The following LIPG variants were observed in gnomAD, a reference collection of about 807,000 sequenced individuals.
LIPG encodes the protein endothelial lipase.
Under a neutral mutation model 51.8 loss-of-function variants are expected in LIPG, and 34 were observed. The ratio of observed to expected loss-of-function variants is 0.66; its 90% CI spans 0.50 to 0.87. The LOEUF is 0.87. LIPG is among the 40% of genes least tolerant of loss of function. The probability of loss-of-function intolerance (pLI) is 0.00; values close to 1 mark genes in which losing one functional copy is unlikely to be tolerated. For missense variants in LIPG, 580 were observed against 652.7 expected, an observed-to-expected ratio of 0.89 and a Z score of 1.21; for synonymous variants, 246 against 246.1, an observed-to-expected ratio of 1.00 and a Z score of 0.00.
rs1234956781 is a variant in LIPG at position 49,595,059 on chromosome 18, G to GGATA, written c.*4538_*4541dup. ...GAAGCCCCAGACCCCTTGGAAGGAT[G>GGATA]GATACAAAGTAGGTACTAGAACAGT... On this transcript the variant is annotated 3_prime_UTR_variant, in exon 10 of 10. Transcript: ENST00000261292. The GGATA allele has an allele frequency of 1.3e-5, 2 of 152,194 alleles. No homozygotes were observed. The highest frequency in any genetic ancestry group is 4.1e-4 in the South Asian group (2 of 4,832). The allele number at this position is 152,194 out of a possible 1,614,324, so 9.4% of individuals were successfully genotyped here. A position where few individuals can be genotyped will look rare whatever the true frequency, so the allele number is the denominator to read the frequency against.
chr18:49,578,238 C>A (rs1299177274), intron 5 of LIPG, among the ~76,000 whole-genome samples: 6 of 145,514 alleles, frequency 4.1e-5, no homozygotes, highest in Non-Finnish European at 6.0e-5. Context: ...GGGCGGCTGC[C>A]GGGCGGAGGG....
chr18:49,583,401 C>T (rs577787224), intron 7 of LIPG, among the ~76,000 whole-genome samples, 155 bp from the exon 8 acceptor site: 7 of 152,202 alleles, frequency 4.6e-5, no homozygotes, highest in South Asian at 4.1e-4. Flanking sequence ...CATCTTGGTC[C>T]TGTTGATAGG....
chr18:49,581,682 C>T lies in LIPG; in HGVS notation c.1036+25C>T, dbSNP rs1419290175. The stretch of plus-strand genomic sequence containing the variant: ...GGTAACCTTCAGTCCCTGGAGTGTC[C>T]CTGAGGAAGGCCCTTAATACCTCCT... On this transcript the variant is annotated intron_variant, in intron 6 of 9. Transcript: ENST00000261292. The T allele has an allele frequency of 5.6e-6, 9 of 1,609,912 alleles. No individual in the cohort carries two copies. The South Asian group carries it at 8.8e-5, about 16-fold the overall frequency.
rs372538261 is a variant in LIPG, at chr18:49,579,812, T to C, written c.794-1603T>C. 4.3e-3 allele frequency among the ~76,000 whole-genome samples: 516 copies of C among 120,522 alleles called. 13 individuals are homozygous for C. Among genetic ancestry groups the C allele is most frequent in the African/African-American group, 0.014 (438 of 31,766 alleles). 79.1% of individuals were successfully genotyped at this position (120,522 alleles called of 152,430 possible). ...TCTTTTCTTTTCTTTTCTTTTCTTT[T>C]CTTTTCTTTACTTTACTTTTGATGG... On this transcript the variant is annotated intron_variant, in intron 5 of 9. Transcript: ENST00000261292.
intron 8 of LIPG, 23 bp from the exon 9 acceptor site, chr18:49,586,723 C>G (rs2084883698): frequency 1.3e-6 from 2 of 1,542,470 alleles, no homozygotes; most frequent in African/African-American, 2.7e-5. Flanking sequence ...CTGCCTACAT[C>G]AGTGGTTTCT....
intron 4 of LIPG, among the ~76,000 whole-genome samples, chr18:49,573,762 A>C (rs1453440360): frequency 2.6e-5 from 4 of 152,078 alleles, no homozygotes; most frequent in Admixed American, 2.6e-4. Context: ...CCTGGTTCTA[A>C]TGTGCTGTGG....
upstream of LIPG, chr18:49,561,699 C>T: frequency 8.0e-7 from 1 of 1,244,804 alleles, no homozygotes; most frequent in Non-Finnish European, 1.0e-6. Context: ...CTCTCCTTCT[C>T]CAGGGATCGC....
In LIPG at chr18:49,576,457, C is replaced by CTTTT. The variant is rs34597464; in HGVS notation, c.793+891_793+894dup. Among the ~76,000 whole-genome samples the CTTTT allele has an allele frequency of 6.6e-3, 341 of 51,458 alleles. 91 individuals carry two copies. Among genetic ancestry groups the CTTTT allele is most frequent in the African/African-American group, 8.8e-3 (104 of 11,790 alleles). The allele number at this position is 51,458 out of a possible 152,430, so 33.8% of individuals were successfully genotyped here. On this transcript the variant is annotated intron_variant, in intron 5 of 9. Transcript: ENST00000261292. ...TCTTTTTTTAAAAGACAGAATCTTGCTTTTTTTTTTTTTTTTTTTTTTTTT... is the reference window on the plus strand; with the variant it reads ...TCTTTTTTTAAAAGACAGAATCTTGCTTTTTTTTTTTTTTTTTTTTTTTTTTTTT...
chr18:49,572,462 G>C lies in LIPG; in HGVS notation c.572-2907G>C, dbSNP rs151311090. ...CTAGGACTCAGTGATTAAGTAAAGGGCCCAATATCCTGGGCCCTATAAGTA... is the reference window on the plus strand; with the variant it reads ...CTAGGACTCAGTGATTAAGTAAAGGCCCCAATATCCTGGGCCCTATAAGTA... On this transcript the variant is annotated intron_variant, in intron 4 of 9. Coordinates refer to ENST00000261292, the MANE Select transcript of LIPG (RefSeq NM_006033.4). 2.1e-3 allele frequency among the ~76,000 whole-genome samples: 327 copies of C among 152,244 alleles called. 1 individual carries two copies. Among genetic ancestry groups the C allele is most frequent in the African/African-American group, 7.5e-3 (312 of 41,568 alleles).
rs1414926911 is a variant in LIPG at position 49,592,472 on chromosome 18, G to C, written c.*1950G>C. 6.6e-6 allele frequency: 1 copy of C among 152,222 alleles called. No individual in the cohort carries two copies. The highest frequency in any genetic ancestry group is 2.4e-5 in the African/African-American group (1 of 41,440). 9.4% of individuals were successfully genotyped at this position (152,222 alleles called of 1,614,324 possible). ...GTTACACCTTATCCACATAGCCTGA[G>C]GGTAATTTTATACGATATTTTAAAT... On this transcript the variant is annotated 3_prime_UTR_variant, in exon 10 of 10. Coordinates refer to ENST00000261292, the MANE Select transcript of LIPG (RefSeq NM_006033.4).
chr18:49,579,018 GA>G (rs2084774365), intron 5 of LIPG, among the ~76,000 whole-genome samples: 1 of 20 alleles, frequency 0.05, no homozygotes, highest in Non-Finnish European at 0.1. Context: ...GGGAGAGGGA[GA>G]GGGAGAGGGA....
At position 49,582,660 on chromosome 18, in the gene LIPG, C is replaced by G. The variant is rs114385846; in HGVS notation, c.1157+178C>G. On this transcript the variant is annotated intron_variant, in intron 7 of 9. Coordinates refer to ENST00000261292, the MANE Select transcript of LIPG (RefSeq NM_006033.4). ...AGTCCTCTCTCCCACTGCACCTTCT[C>G]TACCAAGCCCTGACTCAGCGTTTCG... is the stretch of plus-strand genomic sequence containing the variant. Among the ~76,000 whole-genome samples the G allele has an allele frequency of 1.8e-3, 277 of 152,344 alleles. 4 individuals are homozygous for G. Among genetic ancestry groups the G allele is most frequent in the African/African-American group, 6.4e-3 (266 of 41,568 alleles).
At chr18:49,561,975 G>A (rs1241408093), upstream of LIPG, 5 of 1,398,266 alleles carry the variant, frequency 3.6e-6, no homozygotes, top group Admixed American at 3.0e-5. Flanking sequence ...CCCAGAGACG[G>A]GAATAAATTA....
chr18:49,562,752 C>G lies in LIPG; in HGVS notation c.97+347C>G, dbSNP rs570677165. Among the ~76,000 whole-genome samples, 11 of 151,926 alleles carry G rather than the reference C, an allele frequency of 7.2e-5. No homozygotes were observed. The South Asian group carries it at 8.3e-4, about 11-fold the overall frequency. ...CTGAAACCTTGTCCTCATGCCTGAA[C>G]CTGGAGGTTTGAGAGGCAAGAAGGC... On this transcript the variant is annotated intron_variant, in intron 1 of 9. Transcript: ENST00000261292.
At chr18:49,583,457 C>T (rs1015717892) in intron 7 of LIPG, 99 bp from the exon 8 acceptor site, 6 of 931,038 alleles carry the variant, frequency 6.4e-6, no homozygotes, top group African/African-American at 1.6e-5. Context: ...TGTCTCTCTC[C>T]TGTCTGTGTG....
intron 5 of LIPG, among the ~76,000 whole-genome samples, chr18:49,578,068 G>C (rs986196739): frequency 3.4e-5 from 5 of 147,000 alleles, no homozygotes; most frequent in African/African-American, 1.3e-4. Context: ...CCGGGCGGGG[G>C]GGCTGGCCCC....
chr18:49,585,294 C>G (rs370122862), intron 8 of LIPG, among the ~76,000 whole-genome samples: 3 of 152,098 alleles, frequency 2.0e-5, no homozygotes, highest in Non-Finnish European at 4.4e-5. Context: ...GACTCCTGAT[C>G]TCAGGTGATC....
chr18:49,569,677 C>A, intron 4 of LIPG, 129 bp downstream of exon 4: 1 of 805,354 alleles, frequency 1.2e-6, no homozygotes, highest in Non-Finnish European at 2.1e-6. Flanking sequence ...TAATTCAAAA[C>A]TTCCCAAGCG....
intron 9 of LIPG, among the ~76,000 whole-genome samples, chr18:49,588,589 G>A (rs79653726): frequency 0.012 from 1,857 of 152,184 alleles, 21 homozygotes; most frequent in Admixed American, 0.021. Flanking sequence ...TTTGAGCCAC[G>A]GTGCCCAACC....
Sources: gnomAD v4.1 joint callset for allele counts (sites outside exome capture counted in the v4.1 genomes callset) on GRCh38, gnomAD v4.1.1 for gene constraint, MANE v1.5 for transcripts, NCBI Gene and HGNC (gene_info 2026-07-23, HGNC 2026-07-21) for gene names.